RASEF: variants seen among roughly 807,000 people sequenced by gnomAD.
RASEF encodes ras and EF-hand domain-containing protein.
RASEF carries 68 observed loss-of-function variants against 90.1 expected under a neutral mutation model. The ratio of observed to expected loss-of-function variants is 0.75; its 90% CI spans 0.62 to 0.92. RASEF has a LOEUF of 0.92. RASEF is among the 40% of genes least tolerant of loss of function. The pLI is 0.00. For synonymous variants in RASEF, 331 were observed against 345.2 expected, an observed-to-expected ratio of 0.96 and a Z score of 0.46; for missense variants, 949 against 937.2, an observed-to-expected ratio of 1.01 and a Z score of -0.16.
intron 2 of RASEF, among the ~76,000 whole-genome samples, chr9:83,023,721 T>C (rs1829484744): frequency 6.6e-6 from 1 of 152,222 alleles, no homozygotes; most frequent in African/African-American, 2.4e-5. Flanking sequence ...TGTATCTCCA[T>C]AGCAATGTCT....
the RASEF span, among the ~76,000 whole-genome samples, chr9:83,208,854 C>G: frequency 6.6e-6 from 1 of 152,108 alleles, no homozygotes; most frequent in Non-Finnish European, 1.5e-5. Flanking sequence ...CTCAGATAAC[C>G]CTTTTTCTTA....
At chr9:83,074,343 G>C in the RASEF span, among the ~76,000 whole-genome samples, 1 of 152,154 alleles carries the variant, frequency 6.6e-6, no homozygotes, top group African/African-American at 2.4e-5. Flanking sequence ...TTTCTCAAAG[G>C]AGAAAGGTAG....
At chr9:83,150,308 C>T in the RASEF span, among the ~76,000 whole-genome samples, 3 of 152,068 alleles carry the variant, frequency 2.0e-5, no homozygotes, top group African/African-American at 4.8e-5. Context: ...AGATTGATTA[C>T]CTGGAGGTTG....
chr9:82,983,148 C>T (rs954522258), intron 16 of RASEF, among the ~76,000 whole-genome samples: 2 of 151,544 alleles, frequency 1.3e-5, no homozygotes, highest in East Asian at 3.9e-4. Context: ...CACACACACA[C>T]ACACACACCC....
At chr9:83,148,814 G>C in the RASEF span, among the ~76,000 whole-genome samples, 2 of 152,162 alleles carry the variant, frequency 1.3e-5, no homozygotes, top group Admixed American at 1.3e-4. Flanking sequence ...ACTGTCTCAT[G>C]GGGAGCTGGG....
the RASEF span, among the ~76,000 whole-genome samples, chr9:83,215,484 C>T: frequency 1.3e-5 from 2 of 152,214 alleles, no homozygotes; most frequent in Admixed American, 6.5e-5. Flanking sequence ...TCCCCTGGCT[C>T]CTGCCTGTCT....
chr9:83,060,865 G>A (rs1167365489), intron 1 of RASEF, among the ~76,000 whole-genome samples: 1 of 152,124 alleles, frequency 6.6e-6, no homozygotes, highest in Non-Finnish European at 1.5e-5. Flanking sequence ...AGTAATCTCT[G>A]AAGAATTTGG....
At chr9:83,093,185 A>G in the RASEF span, among the ~76,000 whole-genome samples, 1 of 152,192 alleles carries the variant, frequency 6.6e-6, no homozygotes, top group African/African-American at 2.4e-5. Flanking sequence ...CTTGAGCTAG[A>G]CATAAAGGTT....
rs1045882699 is a variant in RASEF at position 83,020,596 on chromosome 9, T to C, written c.669+1740A>G. Among the ~76,000 whole-genome samples the C allele has an allele frequency of 3.3e-5, 5 of 152,202 alleles. No homozygotes were observed. In the East Asian group the frequency reaches 5.8e-4, roughly 18 times the overall value. On this transcript the variant is annotated intron_variant, in intron 3 of 16. Transcript: ENST00000376447. The stretch of plus-strand genomic sequence containing the variant: ...TGTATGTGGTGACTGACAGGCCACA[T>C]GTGTCATTGCTGTGGAATAGAGAAA...
chr9:83,092,688 C>T, the RASEF span, among the ~76,000 whole-genome samples: 2 of 152,150 alleles, frequency 1.3e-5, no homozygotes, highest in Non-Finnish European at 2.9e-5. Context: ...GAGCGGGTTG[C>T]CACTGCTGGC....
At chr9:83,092,141 G>A in the RASEF span, among the ~76,000 whole-genome samples, 5 of 151,066 alleles carry the variant, frequency 3.3e-5, no homozygotes, top group Non-Finnish European at 7.4e-5. Flanking sequence ...CTATGATGGA[G>A]AGGGATATTT....
chr9:83,056,421 C>T (rs981654261), intron 1 of RASEF, among the ~76,000 whole-genome samples: 5 of 152,182 alleles, frequency 3.3e-5, no homozygotes, highest in Non-Finnish European at 7.3e-5. Context: ...TGACTACATA[C>T]TGCACTCAAG....
intron 5 of RASEF, among the ~76,000 whole-genome samples, chr9:83,011,982 C>A (rs554835252): frequency 6.6e-6 from 1 of 152,000 alleles, no homozygotes; most frequent in South Asian, 2.1e-4. Context: ...TAATCTAAAA[C>A]CAAACTAAAT....
chr9:83,000,016 CA>C (rs1242021105), intron 12 of RASEF, among the ~76,000 whole-genome samples, 152 bp downstream of exon 12: 6 of 150,558 alleles, frequency 4.0e-5, no homozygotes, highest in Non-Finnish European at 8.8e-5. Flanking sequence ...CACACACACA[CA>C]CACACACACA....
At chr9:83,130,873 C>T in the RASEF span, among the ~76,000 whole-genome samples, 2 of 152,162 alleles carry the variant, frequency 1.3e-5, no homozygotes, top group African/African-American at 2.4e-5. Context: ...GCTGGCAGGA[C>T]AATTCGAGAA....
At chr9:83,211,324 A>C in the RASEF span, among the ~76,000 whole-genome samples, 3 of 152,124 alleles carry the variant, frequency 2.0e-5, no homozygotes, top group African/African-American at 7.2e-5. Flanking sequence ...TTAACCATGT[A>C]GAATGTGCTT....
At chr9:83,193,885 C>G in the RASEF span, among the ~76,000 whole-genome samples, 2 of 152,108 alleles carry the variant, frequency 1.3e-5, no homozygotes, top group Non-Finnish European at 2.9e-5. Flanking sequence ...ATAAAGCTCC[C>G]CCAAGGATCA....
At chr9:82,983,109 A>ACC (rs1828645380) in intron 16 of RASEF, among the ~76,000 whole-genome samples, 1 of 20,880 alleles carries the variant, frequency 4.8e-5, no homozygotes, top group South Asian at 1.5e-3. Context: ...GTACCAGGCC[A>ACC]CACACACACA....
chr9:83,150,447 A>T, the RASEF span, among the ~76,000 whole-genome samples: 1 of 152,166 alleles, frequency 6.6e-6, no homozygotes, highest in Non-Finnish European at 1.5e-5. Flanking sequence ...TCTATCACTC[A>T]GGGAATTCCA....
Sources: gnomAD v4.1 joint callset for allele counts (sites outside exome capture counted in the v4.1 genomes callset) on GRCh38, gnomAD v4.1.1 for gene constraint, MANE v1.5 for transcripts, NCBI Gene and HGNC (gene_info 2026-07-23, HGNC 2026-07-21) for gene names.